PDE4D: variants seen among roughly 807,000 people sequenced by gnomAD.
PDE4D encodes phosphodiesterase 4D, also known as 3',5'-cyclic-AMP phosphodiesterase 4D.
PDE4D carries 24 observed loss-of-function variants against 87.4 expected under a neutral mutation model. The ratio of observed to expected loss-of-function variants is 0.27; its 90% CI spans 0.20 to 0.39. PDE4D has a LOEUF of 0.39. Ranked by LOEUF, PDE4D falls within the 10% of genes least tolerant of loss-of-function variation. The pLI is 1.00. For synonymous variants in PDE4D, 384 were observed against 383.2 expected, an observed-to-expected ratio of 1.00 and a Z score of -0.02; for missense variants, 714 against 1,041.0, an observed-to-expected ratio of 0.69 and a Z score of 4.32.
At chr5:59,492,463 T>C (rs897870819) in intron 1 of PDE4D, among the ~76,000 whole-genome samples, 16 of 152,190 alleles carry the variant, frequency 1.1e-4, no homozygotes, top group African/African-American at 3.9e-4. Context: ...GTTAAGTGTA[T>C]ATACATAGGA....
chr5:59,293,343 G>C (rs1165133638), intron 1 of PDE4D, among the ~76,000 whole-genome samples: 1 of 152,008 alleles, frequency 6.6e-6, no homozygotes, highest in East Asian at 1.9e-4. Context: ...GCCCCACCAG[G>C]ATGAGAGTCA....
rs899982148 is a variant in PDE4D at position 59,301,269 on chromosome 5, C to T, written c.456-85301G>A. Among the ~76,000 whole-genome samples the T allele has an allele frequency of 3.3e-5, 5 of 152,198 alleles. No homozygotes were observed. In the East Asian group the frequency reaches 5.9e-4, roughly 18 times the overall value. ...TGCCCCTGAGGCCTAACACACCCAA[C>T]ATTATAACAAAAGACTGTAACAAGG... On this transcript the variant is annotated intron_variant, in intron 1 of 14. Coordinates refer to ENST00000340635, the MANE Select transcript of PDE4D (RefSeq NM_001104631.2).
intron 2 of PDE4D, among the ~76,000 whole-genome samples, chr5:59,209,358 G>C (rs1749563730): frequency 6.6e-6 from 1 of 152,048 alleles, no homozygotes; most frequent in South Asian, 2.1e-4. Context: ...GCAAATTTTT[G>C]TATTTTTTGT....
Position 59,893,353 on chromosome 5 carries a change from A to C in PDE4D, c.270T>G (p.Ala90=). ...PLPPPPPPPG[A]ARGRYASSGA... is the part of the protein sequence containing the mutation. Reference sequence around the variant, plus strand: ...CGCTCGAGGCGTAGCGGCCGCGGGCAGCCCCGGGCGGCGGCGGGGGCGGCG... The same window carrying C: ...CGCTCGAGGCGTAGCGGCCGCGGGCCGCCCCGGGCGGCGGCGGGGGCGGCG... Residue 90 remains alanine (A), a synonymous_variant, in exon 1 of 15, where the codon GCT becomes GCG. Transcript: ENST00000340635. 1 of 1,271,996 alleles carries C rather than the reference A, an allele frequency of 7.9e-7. No individual in the cohort carries two copies. Among genetic ancestry groups the C allele is most frequent in the Non-Finnish European group, 9.9e-7 (1 of 1,007,546 alleles). The allele number at this position is 1,271,996 out of a possible 1,614,324, so 78.8% of individuals were successfully genotyped here.
chr5:60,424,053 C>T (rs40218), intron 1 of PDE4D, among the ~76,000 whole-genome samples: 16,973 of 152,106 alleles, frequency 0.11, 1,402 homozygotes, highest in East Asian at 0.39. Flanking sequence ...TAATAGCCTA[C>T]CAACCAAAAA....
At chr5:60,211,648 TTTG>T (rs1305649724) in intron 1 of PDE4D, among the ~76,000 whole-genome samples, 1 of 151,694 alleles carries the variant, frequency 6.6e-6, no homozygotes, top group Non-Finnish European at 1.5e-5. Flanking sequence ...TGTTTCCATA[TTTG>T]TTGTCTATGC....
chr5:59,012,042 C>T (rs1412845779), intron 6 of PDE4D, among the ~76,000 whole-genome samples: 6 of 152,258 alleles, frequency 3.9e-5, no homozygotes, highest in Non-Finnish European at 8.8e-5. Flanking sequence ...GAATTTCATA[C>T]CCAGCCAAAC....
At chr5:59,921,344 T>C (rs1353334680) in intron 3 of PDE4D, among the ~76,000 whole-genome samples, 1 of 152,106 alleles carries the variant, frequency 6.6e-6, no homozygotes, top group Non-Finnish European at 1.5e-5. Context: ...CATTATTAAG[T>C]AGTGTTAATT....
intron 3 of PDE4D, among the ~76,000 whole-genome samples, chr5:59,903,570 C>T (rs1447166394): frequency 6.6e-6 from 1 of 152,098 alleles, no homozygotes. Context: ...ACTGCAATTA[C>T]TTTTGCACCA....
Position 59,681,888 on chromosome 5 carries a change from G to A in PDE4D, c.455+211280C>T, listed in dbSNP as rs1269980151. ...TGCACTCCAGCCTGGGTGACAGAGC[G>A]AGACTCTGTCTCAAAAAAAAAAAAA... On this transcript the variant is annotated intron_variant, in intron 1 of 14. Coordinates refer to ENST00000340635, the MANE Select transcript of PDE4D (RefSeq NM_001104631.2). 3.2e-5 allele frequency among the ~76,000 whole-genome samples: 4 copies of A among 124,138 alleles called. 1 individual carries two copies. Among genetic ancestry groups the A allele is most frequent in the Middle Eastern group, 8.3e-3 (2 of 240 alleles). 81.4% of individuals were successfully genotyped at this position (124,138 alleles called of 152,430 possible). A position where few individuals can be genotyped will look rare whatever the true frequency, so the allele number is the denominator to read the frequency against.
chr5:60,395,098 G>A (rs1160061370), intron 1 of PDE4D, among the ~76,000 whole-genome samples: 6 of 152,104 alleles, frequency 3.9e-5, no homozygotes, highest in African/African-American at 1.4e-4. Flanking sequence ...CCATCTTAAT[G>A]TACAGGTGCG....
upstream of PDE4D, among the ~76,000 whole-genome samples, chr5:59,894,599 G>A (rs74850223): frequency 1.3e-5 from 2 of 152,134 alleles, no homozygotes; most frequent in Non-Finnish European, 2.9e-5. Context: ...GGCTGAGCCC[G>A]CTGGCCAGAG....
At chr5:59,928,150 G>A (rs1232711983) in intron 3 of PDE4D, among the ~76,000 whole-genome samples, 2 of 152,084 alleles carry the variant, frequency 1.3e-5, no homozygotes, top group African/African-American at 4.8e-5. Context: ...TCTAGGCCCC[G>A]AGTTCACCCA....
intron 2 of PDE4D, among the ~76,000 whole-genome samples, chr5:60,079,188 T>G (rs1402091159): frequency 6.6e-6 from 1 of 152,244 alleles, no homozygotes; most frequent in Non-Finnish European, 1.5e-5. Flanking sequence ...TATCTTCTTT[T>G]GAGAAGTGTC....
At chr5:60,279,080 C>A (rs559179182) in intron 1 of PDE4D, among the ~76,000 whole-genome samples, 3 of 152,160 alleles carry the variant, frequency 2.0e-5, no homozygotes, top group Non-Finnish European at 2.9e-5. Flanking sequence ...GTGGTACTGC[C>A]TCATGATTTC....
chr5:59,313,381 A>G (rs1205052128), intron 1 of PDE4D, among the ~76,000 whole-genome samples: 1 of 152,080 alleles, frequency 6.6e-6, no homozygotes, highest in Non-Finnish European at 1.5e-5. Flanking sequence ...GTAGGAATAT[A>G]CTTTCCAAAA....
intron 5 of PDE4D, among the ~76,000 whole-genome samples, chr5:59,165,711 C>T (rs1329669069): frequency 1.3e-5 from 2 of 152,170 alleles, no homozygotes; most frequent in East Asian, 1.9e-4. Context: ...ATCTGTAAGT[C>T]GTAGTGCTAG....
chr5:59,360,186 G>A (rs1274009686), intron 1 of PDE4D, among the ~76,000 whole-genome samples: 1 of 152,166 alleles, frequency 6.6e-6, no homozygotes, highest in African/African-American at 2.4e-5. Flanking sequence ...AGTGGGATAA[G>A]TTAAACGTAA....
chr5:60,430,129 C>T, intron 1 of PDE4D: 11 of 524,880 alleles, frequency 2.1e-5, no homozygotes, highest in Non-Finnish European at 3.0e-5. Context: ...GGCAAGTTTC[C>T]GGAGCTCTTT....
Sources: gnomAD v4.1 joint callset for allele counts (sites outside exome capture counted in the v4.1 genomes callset) on GRCh38, gnomAD v4.1.1 for gene constraint, MANE v1.5 for transcripts, NCBI Gene and HGNC (gene_info 2026-07-23, HGNC 2026-07-21) for gene names.